Variants in PRMT9 observed in about 807,000 individuals in gnomAD.
The protein encoded by PRMT9 is protein arginine methyltransferase 9.
PRMT9 carries 59 observed loss-of-function variants against 83.2 expected under a neutral mutation model. The observed-to-expected ratio is 0.71, with a 90% confidence interval of 0.57 to 0.88. PRMT9 has a LOEUF of 0.88. Among genes scored for constraint, PRMT9 ranks in the 40% least tolerant of loss-of-function variants. The pLI is 0.00. For missense variants in PRMT9, 947 were observed against 1,021.9 expected (o/e 0.93, Z 1.00); for synonymous variants, 333 against 353.2 (o/e 0.94, Z 0.64).
chr4:147,650,903 C>G (rs553045077), intron 9 of PRMT9, among the ~76,000 whole-genome samples: 229 of 152,256 alleles, frequency 1.5e-3, no homozygotes, highest in Middle Eastern at 3.4e-3. Context: ...GAGATCGAGA[C>G]CATCCTGGCT....
intron 2 of PRMT9, among the ~76,000 whole-genome samples, chr4:147,674,742 T>C (rs1735953769): frequency 6.6e-6 from 1 of 152,220 alleles, no homozygotes; most frequent in South Asian, 2.1e-4. Context: ...CTGATCTATA[T>C]ACTCTCTTCT....
At chr4:147,669,695 CAA>C (rs879630276) in intron 5 of PRMT9, among the ~76,000 whole-genome samples, 2 of 141,794 alleles carry the variant, frequency 1.4e-5, no homozygotes. Context: ...GTTGCTACTT[CAA>C]AAAAAAAAAA....
At chr4:147,659,588 TTTTTTC>T (rs1400446104) in intron 7 of PRMT9, among the ~76,000 whole-genome samples, 3 of 142,286 alleles carry the variant, frequency 2.1e-5, no homozygotes, top group Non-Finnish European at 4.7e-5. Flanking sequence ...TCTTTTTTTT[TTTTTTC>T]TGAGACGGAG....
chr4:147,668,402 C>A, intron 6 of PRMT9, 137 bp downstream of exon 6: 2 of 672,552 alleles, frequency 3.0e-6, no homozygotes, highest in South Asian at 3.3e-5. Context: ...GCCTGCTTCC[C>A]CTTCTGCCAT....
At chr4:147,647,043 C>T (rs1203271479) in intron 9 of PRMT9, among the ~76,000 whole-genome samples, 1 of 152,094 alleles carries the variant, frequency 6.6e-6, no homozygotes, top group East Asian at 1.9e-4. Context: ...GAACCCCCTC[C>T]TTGTTCAGGG....
chr4:147,668,523 G>T lies in PRMT9; in HGVS notation c.953+16C>A. ...AGGTGCTTTATAGCAGTGTGAAAAT[G>T]GACTAATACACTTACCTATGATGTC... On this transcript the variant is annotated intron_variant, in intron 6 of 11. Transcript: ENST00000322396. 4.2e-6 allele frequency: 6 copies of T among 1,420,714 alleles called. No homozygotes were observed. Among genetic ancestry groups the T allele is most frequent in the Non-Finnish European group, 5.0e-6 (5 of 1,007,844 alleles). The allele number at this position is 1,420,714 out of a possible 1,614,324, so 88.0% of individuals were successfully genotyped here. A position where few individuals can be genotyped will look rare whatever the true frequency, so the allele number is the denominator to read the frequency against.
At chr4:147,656,905 G>A (rs956199881) in intron 8 of PRMT9, among the ~76,000 whole-genome samples, 1 of 151,734 alleles carries the variant, frequency 6.6e-6, no homozygotes, top group African/African-American at 2.4e-5. Context: ...AGGGTTACAG[G>A]TGTCAGCCAC....
In PRMT9 at chr4:147,668,574, C is replaced by T; in HGVS notation, c.918G>A (p.Met306Ile). ...VIPASAVIFG[M>I]AVECAEIRRH... is the part of the protein sequence containing the mutation. Reference sequence around the variant, plus strand: ...TTCTTATCTCTGCACATTCTACTGCCATCCCAAATATAACAGCACTTGCTG... The same window carrying T: ...TTCTTATCTCTGCACATTCTACTGCTATCCCAAATATAACAGCACTTGCTG... Residue 306 changes from methionine to isoleucine, a missense_variant, in exon 6 of 12, where the codon ATG (methionine) becomes ATA (isoleucine). By Grantham distance (10) the Met-to-Ile change is conservative. Coordinates refer to ENST00000322396, the MANE Select transcript of PRMT9 (RefSeq NM_138364.4). 2 of 1,611,020 alleles carry T rather than the reference C, an allele frequency of 1.2e-6. No homozygotes were observed. The highest frequency in any genetic ancestry group is 1.7e-6 in the Non-Finnish European group (2 of 1,177,868).
intron 5 of PRMT9, among the ~76,000 whole-genome samples, chr4:147,670,246 C>T (rs1735638742): frequency 6.6e-6 from 1 of 152,186 alleles, no homozygotes; most frequent in Non-Finnish European, 1.5e-5. Context: ...ATGGCGTGAC[C>T]TCAACTCACT....
intron 6 of PRMT9, among the ~76,000 whole-genome samples, chr4:147,664,323 T>C (rs568910448): frequency 6.6e-6 from 1 of 152,330 alleles, no homozygotes; most frequent in East Asian, 1.9e-4. Flanking sequence ...TATAGTTTTT[T>C]TCCCCAATAC....
At position 147,673,750 on chromosome 4, in the gene PRMT9, T is replaced by A; in HGVS notation, c.463A>T (p.Ile155Phe). ...TTCCTCTTGGTGTCATTAAGCATGA[T>A]AAAGTGCCAGCGTTCCACCAACCAG... ...ANWLVERWHFIMLNDTKRNTI... is the reference protein window; with the variant it reads ...ANWLVERWHFFMLNDTKRNTI... The change falls in exon 3 of 12, where the codon ATC (isoleucine) becomes TTC (phenylalanine). Residue 155 changes from isoleucine (I) to phenylalanine (F), a missense_variant. By Grantham distance (21) the Ile-to-Phe change is conservative. Transcript: ENST00000322396. 1 of 1,614,060 alleles carries A rather than the reference T, an allele frequency of 6.2e-7. No homozygotes were observed. Among genetic ancestry groups the A allele is most frequent in the Non-Finnish European group, 8.5e-7 (1 of 1,179,908 alleles).
intron 1 of PRMT9, among the ~76,000 whole-genome samples, chr4:147,681,922 A>C (rs1225300263): frequency 9.9e-5 from 15 of 152,224 alleles, no homozygotes; most frequent in Admixed American, 9.8e-4. Flanking sequence ...CATACAAACA[A>C]ACACAGACTT....
At chr4:147,670,790 A>G (rs1244135200) in intron 4 of PRMT9, 47 bp from the exon 5 acceptor site, 2 of 1,230,178 alleles carry the variant, frequency 1.6e-6, no homozygotes, top group South Asian at 1.2e-5. Context: ...ATATCATGCT[A>G]TTATATAAAG....
chr4:147,646,676 G>A (rs1733750178), intron 9 of PRMT9, among the ~76,000 whole-genome samples: 1 of 151,402 alleles, frequency 6.6e-6, no homozygotes, highest in Admixed American at 6.6e-5. Flanking sequence ...GGGGGAGGGG[G>A]GTGCAGGGAG....
intron 1 of PRMT9, 75 bp downstream of exon 1, chr4:147,683,720 CTTTT>C (rs113416311): frequency 1.0e-5 from 11 of 1,049,984 alleles, no homozygotes; most frequent in Middle Eastern, 3.4e-4. Flanking sequence ...AGCCCCTCCG[CTTTT>C]TTTTTTTTCT....
chr4:147,646,242 T>C (rs1733719379), intron 9 of PRMT9, among the ~76,000 whole-genome samples: 1 of 152,238 alleles, frequency 6.6e-6, no homozygotes, highest in Non-Finnish European at 1.5e-5. Flanking sequence ...AGTTATCTGC[T>C]AACTGTGATC....
rs184841347 is a variant in PRMT9 at position 147,681,905 on chromosome 4, G to A, written c.190-1434C>T. ...AGTAGCAGGCAATGAGCATTTTACA[G>A]GGGGCCCATACAAACAAACACAGAC... On this transcript the variant is annotated intron_variant, in intron 1 of 11. Transcript: ENST00000322396. Among the ~76,000 whole-genome samples the A allele has an allele frequency of 5.3e-5, 8 of 152,266 alleles. No homozygotes were observed. In the East Asian group the frequency reaches 1.5e-3, roughly 29 times the overall value.
At chr4:147,639,342 C>T (rs537125234) in intron 10 of PRMT9, 4 of 397,688 alleles carry the variant, frequency 1.0e-5, no homozygotes, top group Admixed American at 7.9e-5. Context: ...GCTCTGGTTT[C>T]CATTACCTGT....
rs1441770993 is a variant in PRMT9 at position 147,653,911 on chromosome 4, A to G, written c.1986T>C (p.Asp662=). The change falls in exon 9 of 12, where the codon GAT becomes GAC. Residue 662 remains aspartate (D), a synonymous_variant. Transcript: ENST00000322396. The stretch of plus-strand genomic sequence containing the variant: ...GAATGAGCCCAGATGGCTCAATGAC[A>G]TCCAATATAATTATGCTCCATAACT... ...SDKLWSIIIL[D]VIEPSGLIQQ... 1.9e-6 allele frequency: 3 copies of G among 1,614,032 alleles called. No individual in the cohort carries two copies. The highest frequency in any genetic ancestry group is 2.5e-6 in the Non-Finnish European group (3 of 1,180,036).
Sources: gnomAD v4.1 joint callset for allele counts (sites outside exome capture counted in the v4.1 genomes callset) on GRCh38, gnomAD v4.1.1 for gene constraint, MANE v1.5 for transcripts, NCBI Gene and HGNC (gene_info 2026-07-23, HGNC 2026-07-21) for gene names.